MAP3K13: variants seen among roughly 807,000 people sequenced by gnomAD.
The protein encoded by MAP3K13 is mitogen-activated protein kinase kinase kinase 13.
Under a neutral mutation model 104.0 loss-of-function variants are expected in MAP3K13, and 52 were observed. The observed-to-expected ratio is 0.50, with a 90% confidence interval of 0.40 to 0.63. MAP3K13 has a LOEUF of 0.63. Ranked by LOEUF, MAP3K13 falls within the 20% of genes least tolerant of loss-of-function variation. The pLI is 0.00. For synonymous variants in MAP3K13, 394 were observed against 442.2 expected (o/e 0.89, Z 1.37); for missense variants, 914 against 1,218.5 (o/e 0.75, Z 3.72).
At chr3:185,462,284 G>T (rs1717152530) in intron 7 of MAP3K13, among the ~76,000 whole-genome samples, 1 of 152,056 alleles carries the variant, frequency 6.6e-6, no homozygotes, top group African/African-American at 2.4e-5. Flanking sequence ...GGTAAAATTA[G>T]CTTGAAATTT....
intron 2 of MAP3K13, among the ~76,000 whole-genome samples, chr3:185,432,458 T>TA (rs1560103675): frequency 6.9e-6 from 1 of 145,902 alleles, no homozygotes; most frequent in African/African-American, 2.5e-5. Context: ...TCCAAAGTGC[T>TA]GGATTACAGG....
At chr3:185,301,102 C>G (rs1175254967) in intron 2 of MAP3K13, among the ~76,000 whole-genome samples, 3 of 63,128 alleles carry the variant, frequency 4.8e-5, no homozygotes, top group African/African-American at 1.3e-4. Flanking sequence ...ACATCCTTAC[C>G]AACACTTATT....
chr3:185,324,489 T>C (rs1721979025), intron 2 of MAP3K13, among the ~76,000 whole-genome samples: 1 of 152,200 alleles, frequency 6.6e-6, no homozygotes, highest in Non-Finnish European at 1.5e-5. Flanking sequence ...TAAATCCTAG[T>C]CCCTTTTTCT....
intron 1 of MAP3K13, among the ~76,000 whole-genome samples, chr3:185,386,297 A>T (rs1711683362): frequency 6.6e-6 from 1 of 152,240 alleles, no homozygotes; most frequent in Admixed American, 6.5e-5. Context: ...CATGTGGCCA[A>T]CAAACATATC....
intron 1 of MAP3K13, chr3:185,417,977 G>A: frequency 6.2e-7 from 1 of 1,609,876 alleles, no homozygotes; most frequent in Non-Finnish European, 8.5e-7. Flanking sequence ...GCGGCTTTAC[G>A]CCAAGTGCCA....
At chr3:185,331,453 A>T (rs1344759071) in intron 2 of MAP3K13, among the ~76,000 whole-genome samples, 1 of 151,896 alleles carries the variant, frequency 6.6e-6, no homozygotes, top group Non-Finnish European at 1.5e-5. Context: ...TTTATAAATT[A>T]AAAAATGTGT....
chr3:185,351,580 C>A (rs1723142147), intron 2 of MAP3K13, among the ~76,000 whole-genome samples: 1 of 152,124 alleles, frequency 6.6e-6, no homozygotes, highest in Admixed American at 6.5e-5. Context: ...ATGGACAAAT[C>A]TCTGAACTTG....
At chr3:185,312,207 C>T (rs1721517674) in intron 2 of MAP3K13, among the ~76,000 whole-genome samples, 1 of 152,234 alleles carries the variant, frequency 6.6e-6, no homozygotes, top group Non-Finnish European at 1.5e-5. Context: ...GAAGTATTTA[C>T]TTGTATACTT....
intron 2 of MAP3K13, among the ~76,000 whole-genome samples, chr3:185,340,470 T>G (rs570246625): frequency 6.6e-6 from 1 of 152,246 alleles, no homozygotes; most frequent in East Asian, 1.9e-4. Context: ...AGGAATGGCT[T>G]TAGGTACCAA....
intron 7 of MAP3K13, among the ~76,000 whole-genome samples, chr3:185,454,379 G>GATATATGAGAT (rs796526054): frequency 8.4e-5 from 1 of 11,940 alleles, no homozygotes; most frequent in East Asian, 2.4e-3. Flanking sequence ...ATATATATGA[G>GATATATGAGAT]ATATATGAGA....
chr3:185,465,409 A>C (rs1344380344), intron 8 of MAP3K13, among the ~76,000 whole-genome samples: 1 of 152,252 alleles, frequency 6.6e-6, no homozygotes, highest in African/African-American at 2.4e-5. Context: ...ATGAGTGATC[A>C]TGGTGTTGGC....
At chr3:185,300,394 G>A (rs530274089) in intron 2 of MAP3K13, among the ~76,000 whole-genome samples, 21 of 151,868 alleles carry the variant, frequency 1.4e-4, no homozygotes, top group Admixed American at 3.9e-4. Flanking sequence ...CACTTGTCTC[G>A]AACTCCTGAT....
chr3:185,437,681 A>C (rs760880088), intron 3 of MAP3K13, 51 bp downstream of exon 3: 1 of 1,497,256 alleles, frequency 6.7e-7, no homozygotes, highest in Admixed American at 2.1e-5. Flanking sequence ...TCTTTCCCCC[A>C]ATATATACAC....
At chr3:185,477,290 A>G (rs1577627650) in intron 11 of MAP3K13, 36 bp from the exon 12 acceptor site, 1 of 1,368,146 alleles carries the variant, frequency 7.3e-7, no homozygotes, top group African/African-American at 1.4e-5. Flanking sequence ...GAGTGACACT[A>G]AAATAAATAA....
chr3:185,454,626 G>A (rs62649256), intron 7 of MAP3K13, among the ~76,000 whole-genome samples: 2 of 14,234 alleles, frequency 1.4e-4, no homozygotes, highest in African/African-American at 2.4e-4. Context: ...ATATATATGA[G>A]ATATATATAT....
chr3:185,440,202 A>G (rs1386951417), intron 3 of MAP3K13, among the ~76,000 whole-genome samples: 2 of 152,206 alleles, frequency 1.3e-5, no homozygotes, highest in Non-Finnish European at 2.9e-5. Context: ...GCCAAGGGGA[A>G]GAAAAGGTAG....
rs1439864102 is a variant in MAP3K13, at chr3:185,484,537, C to T, written c.*2081C>T. 6.6e-6 allele frequency: 1 copy of T among 152,160 alleles called. No homozygotes were observed. The highest frequency in any genetic ancestry group is 2.4e-5 in the African/African-American group (1 of 41,424). The allele number at this position is 152,160 out of a possible 1,614,324, so 9.4% of individuals were successfully genotyped here. A position where few individuals can be genotyped will look rare whatever the true frequency, so the allele number is the denominator to read the frequency against. On this transcript the variant is annotated 3_prime_UTR_variant, in exon 14 of 14. Coordinates refer to ENST00000265026, the MANE Select transcript of MAP3K13 (RefSeq NM_004721.5). ...CTCCTCTGGGTTTTACTGATTGCAT[C>T]AGCCAAAAAGGAAAGGCAGGAGGGA...
chr3:185,429,041 A>C lies in MAP3K13; in HGVS notation c.460A>C (p.Lys154Gln). Reference sequence around the variant, plus strand: ...TGGGAAGGCATATTCCACTGATTACAAATTGCAGCAGCAAGGTAAGCTAGA... The same window carrying C: ...TGGGAAGGCATATTCCACTGATTACCAATTGCAGCAGCAAGGTAAGCTAGA... ...IIGKAYSTDY[K>Q]LQQQDTWEVP... is the part of the protein sequence containing the mutation. The change falls in exon 2 of 14, where the codon AAA (lysine) becomes CAA (glutamine). Residue 154 changes from lysine to glutamine, a missense_variant. Lys to Gln is a moderately conservative substitution (Grantham distance 53, BLOSUM62 1). Coordinates refer to ENST00000265026, the MANE Select transcript of MAP3K13 (RefSeq NM_004721.5). The C allele has an allele frequency of 6.2e-7, 1 of 1,612,238 alleles. No homozygotes were observed. Among genetic ancestry groups the C allele is most frequent in the Non-Finnish European group, 8.5e-7 (1 of 1,178,384 alleles).
rs66889332 is a variant in MAP3K13 at position 185,309,512 on chromosome 3, C to CA, written c.-86+23887dup. 7.4e-3 allele frequency among the ~76,000 whole-genome samples: 781 copies of CA among 105,740 alleles called. 12 individuals are homozygous for CA. The highest frequency in any genetic ancestry group is 0.023 in the African/African-American group (668 of 28,838). The allele number at this position is 105,740 out of a possible 152,430, so 69.4% of individuals were successfully genotyped here. ...GGTGACAAAGCGAGACCTTGTCTCACAAAAAAAAAAAAAAAAAAGAAAGAA... is the reference window on the plus strand; with the variant it reads ...GGTGACAAAGCGAGACCTTGTCTCACAAAAAAAAAAAAAAAAAAAGAAAGAA... On this transcript the variant is annotated intron_variant, in intron 2 of 14. Coordinates refer to the MAP3K13 transcript ENST00000424227.
Sources: gnomAD v4.1 joint callset for allele counts (sites outside exome capture counted in the v4.1 genomes callset) on GRCh38, gnomAD v4.1.1 for gene constraint, MANE v1.5 for transcripts, NCBI Gene and HGNC (gene_info 2026-07-23, HGNC 2026-07-21) for gene names.